Variants in CCDC158 observed in about 807,000 individuals in gnomAD.
CCDC158 encodes coiled-coil domain-containing protein 158.
A neutral mutation model predicts 138.6 loss-of-function variants in CCDC158; 116 were observed. That is an observed-to-expected ratio of 0.84 (90% CI 0.72 to 0.98). The LOEUF is 0.98. CCDC158 is among the 50% of genes least tolerant of loss of function. The pLI, the probability that CCDC158 is intolerant of heterozygous loss-of-function variation, is 0.00. For synonymous variants in CCDC158, 436 were observed against 442.4 expected (o/e 0.99, Z 0.18); for missense variants, 1,265 against 1,306.1 (o/e 0.97, Z 0.48).
intron 15 of CCDC158, among the ~76,000 whole-genome samples, chr4:76,354,559 G>C (rs1335046629): frequency 6.6e-6 from 1 of 152,130 alleles, no homozygotes; most frequent in Non-Finnish European, 1.5e-5. Flanking sequence ...GAGAATATTT[G>C]AGCATTAGGC....
At chr4:76,357,042 A>G (rs1532984) in intron 14 of CCDC158, among the ~76,000 whole-genome samples, 92,285 of 152,016 alleles carry the variant, frequency 0.61, 28,852 homozygotes, top group East Asian at 0.8. Context: ...AAAATAAAGG[A>G]TTGAATGGAA....
At chr4:76,396,214 G>T in intron 4 of CCDC158, 55 bp downstream of exon 4, 1 of 1,251,084 alleles carries the variant, frequency 8.0e-7, no homozygotes, top group Non-Finnish European at 1.1e-6. Context: ...CTACATACTG[G>T]ATCTCACTGT....
At chr4:76,331,282 TTGAATTAATAA>T in intron 21 of CCDC158, 51 bp downstream of exon 21, 2 of 1,419,160 alleles carry the variant, frequency 1.4e-6, no homozygotes, top group Non-Finnish European at 2.0e-6. Flanking sequence ...TAAAGATCTT[TTGAATTAATAA>T]TGAACAGTCG....
At chr4:76,378,090 G>A (rs1309198185) in intron 9 of CCDC158, among the ~76,000 whole-genome samples, 1 of 152,152 alleles carries the variant, frequency 6.6e-6, no homozygotes, top group Non-Finnish European at 1.5e-5. Context: ...CTATGGCTTA[G>A]ACTTTAGTAA....
chr4:76,328,873 A>C, intron 22 of CCDC158, 27 bp downstream of exon 22: 1 of 1,598,548 alleles, frequency 6.3e-7, no homozygotes, highest in South Asian at 1.1e-5. Context: ...TGTAGGGCCT[A>C]TTTCTGTGCT....
intron 24 of CCDC158, among the ~76,000 whole-genome samples, chr4:76,322,647 T>C (rs1720135521): frequency 6.6e-6 from 1 of 152,210 alleles, no homozygotes; most frequent in Non-Finnish European, 1.5e-5. Flanking sequence ...AAAAATGTAC[T>C]TCAAAATTCA....
intron 11 of CCDC158, among the ~76,000 whole-genome samples, chr4:76,368,688 T>C (rs111998522): frequency 0.029 from 4,453 of 152,108 alleles, 214 homozygotes; most frequent in African/African-American, 0.1. Context: ...TGATGAGACT[T>C]GGGGAAAGAG....
At position 76,351,814 on chromosome 4, in the gene CCDC158, T is replaced by C. The variant is rs1723072087; in HGVS notation, c.2446-2A>G. 1.3e-6 allele frequency: 2 copies of C among 1,588,488 alleles called. No individual in the cohort carries two copies. The highest frequency in any genetic ancestry group is 1.3e-5 in the African/African-American group (1 of 74,444). On this transcript the variant is annotated splice_acceptor_variant, in intron 16 of 24. Coordinates refer to ENST00000682701, the MANE Select transcript of CCDC158 (RefSeq NM_001394954.1). LOFTEE classifies it high-confidence loss of function. ...ACATTCTGCAAACTGCAAAGATGCCTACAAATGGAGCAATCATAAATGGTT... is the reference window on the plus strand; with the variant it reads ...ACATTCTGCAAACTGCAAAGATGCCCACAAATGGAGCAATCATAAATGGTT...
intron 4 of CCDC158, among the ~76,000 whole-genome samples, chr4:76,391,146 A>G (rs776497205): frequency 5.3e-5 from 8 of 152,064 alleles, no homozygotes; most frequent in Non-Finnish European, 1.2e-4. Context: ...ATAGATATTT[A>G]CAGAACATTT....
intron 2 of CCDC158, among the ~76,000 whole-genome samples, chr4:76,404,463 GA>G (rs143520035): frequency 6.6e-6 from 1 of 152,058 alleles, no homozygotes; most frequent in Admixed American, 6.6e-5. Flanking sequence ...TTTAGGGTAT[GA>G]AAAATCACCC....
intron 4 of CCDC158, among the ~76,000 whole-genome samples, chr4:76,395,282 C>G (rs72862983): frequency 6.6e-6 from 1 of 152,048 alleles, no homozygotes; most frequent in African/African-American, 2.4e-5. Context: ...TAAGTCCTAC[C>G]TTATTCATTT....
chr4:76,351,616 G>A, intron 17 of CCDC158, 104 bp downstream of exon 17: 1 of 683,390 alleles, frequency 1.5e-6, no homozygotes, highest in Non-Finnish European at 2.6e-6. Context: ...ATCAAGTAAT[G>A]TTGAAATATA....
intron 9 of CCDC158, among the ~76,000 whole-genome samples, chr4:76,374,246 A>G (rs1243465817): frequency 6.6e-6 from 1 of 152,238 alleles, no homozygotes; most frequent in Non-Finnish European, 1.5e-5. Context: ...GCTCTGTAAC[A>G]CAGGTTACTT....
Position 76,400,459 on chromosome 4 carries a change from C to T in CCDC158, c.70+2679G>A, listed in dbSNP as rs547933469. On this transcript the variant is annotated intron_variant, in intron 3 of 24. Coordinates refer to ENST00000682701, the MANE Select transcript of CCDC158 (RefSeq NM_001394954.1). ...TAGGAGATATACCTAATGTAAATGACGAGTTAATGGGTGCAGCACACCAAC... is the reference window on the plus strand; with the variant it reads ...TAGGAGATATACCTAATGTAAATGATGAGTTAATGGGTGCAGCACACCAAC... Among the ~76,000 whole-genome samples, 123 of 151,116 alleles carry T rather than the reference C, an allele frequency of 8.1e-4. 1 individual carries two copies. Among genetic ancestry groups the T allele is most frequent in the Admixed American group, 4.0e-3 (60 of 15,168 alleles).
intron 2 of CCDC158, among the ~76,000 whole-genome samples, chr4:76,407,658 A>T (rs964174494): frequency 1.3e-5 from 2 of 152,296 alleles, no homozygotes; most frequent in South Asian, 2.1e-4. Flanking sequence ...TGAATTAGAG[A>T]TCAATCAGAA....
intron 3 of CCDC158, chr4:76,401,133 G>C (rs1433426141): frequency 1.3e-5 from 3 of 227,296 alleles, no homozygotes; most frequent in Admixed American, 5.1e-5. Flanking sequence ...TTTTGATATG[G>C]GTACACTACC....
At chr4:76,396,572 C>T (rs566960430) in intron 3 of CCDC158, 86 bp from the exon 4 acceptor site, 147 of 962,880 alleles carry the variant, frequency 1.5e-4, no homozygotes, top group African/African-American at 1.2e-3. Context: ...AGTGCAATGG[C>T]GCGATCTTGC....
rs771063604 is a variant in CCDC158 at position 76,355,440 on chromosome 4, G to GA, written c.2174-5dup. Reference sequence around the variant, plus strand: ...ATCCCCATTGCCACTTTCATAGCTGGAAAAAAAAAAGAGGCAAACTATGCC... The same window carrying GA: ...ATCCCCATTGCCACTTTCATAGCTGGAAAAAAAAAAAGAGGCAAACTATGCC... On this transcript the variant is annotated splice_region_variant and splice_polypyrimidine_tract_variant and intron_variant, in intron 14 of 24. Transcript: ENST00000682701. 0.01 allele frequency: 13,983 copies of GA among 1,341,720 alleles called. 4 individuals carry two copies. The highest frequency in any genetic ancestry group is 0.015 in the African/African-American group (1,029 of 66,690). The allele number at this position is 1,341,720 out of a possible 1,614,324, so 83.1% of individuals were successfully genotyped here. A position where few individuals can be genotyped will look rare whatever the true frequency, so the allele number is the denominator to read the frequency against.
chr4:76,322,892 G>A (rs1242610619), intron 24 of CCDC158, among the ~76,000 whole-genome samples: 1 of 152,146 alleles, frequency 6.6e-6, no homozygotes, highest in Non-Finnish European at 1.5e-5. Context: ...TTTAAATCCT[G>A]TGTAAAGATA....
Sources: allele counts gnomAD v4.1 joint callset (sites outside exome capture counted in the v4.1 genomes callset), GRCh38; gene constraint gnomAD v4.1.1; transcripts MANE v1.5; gene names NCBI Gene and HGNC (gene_info 2026-07-23, HGNC 2026-07-21).